The following XKR6 variants were observed in gnomAD, a reference collection of about 807,000 sequenced individuals.
XKR6 encodes XK-related protein 6.
In XKR6, 22 loss-of-function variants were observed where a neutral mutation model predicts 56.7. The observed-to-expected ratio is 0.39, with a 90% CI of 0.28 to 0.55. The LOEUF (loss-of-function observed/expected upper bound fraction) is 0.55, where lower values mean the gene tolerates loss of function less well. XKR6 is among the 20% of genes least tolerant of loss of function. The pLI is 0.66. For synonymous variants in XKR6, 524 were observed against 387.8 expected (o/e 1.35, Z -4.13); for missense variants, 852 against 889.0 (o/e 0.96, Z 0.53).
chr8:10,974,647 A>G (rs1802501327), intron 1 of XKR6, among the ~76,000 whole-genome samples: 1 of 152,218 alleles, frequency 6.6e-6, no homozygotes, highest in South Asian at 2.1e-4. Flanking sequence ...GGCCACCTGG[A>G]AAACTCTCTC....
At chr8:11,138,937 C>A (rs1040776796) in intron 1 of XKR6, among the ~76,000 whole-genome samples, 32 of 149,034 alleles carry the variant, frequency 2.1e-4, no homozygotes, top group African/African-American at 7.7e-4. Context: ...AAAAAAAAAA[C>A]CTGACCTCAA....
intron 1 of XKR6, chr8:11,113,906 G>C (rs1348233162): frequency 8.4e-6 from 2 of 237,826 alleles, no homozygotes; most frequent in African/African-American, 4.6e-5. Context: ...TTTTAATCTT[G>C]AAGAGGAAGG....
At chr8:11,062,886 G>A (rs759395080) in intron 1 of XKR6, 4 of 455,428 alleles carry the variant, frequency 8.8e-6, no homozygotes, top group South Asian at 6.2e-5. Flanking sequence ...GTCCCTTCCA[G>A]ACGTCGTACT....
intron 1 of XKR6, chr8:11,195,247 C>A (rs2117148005): frequency 1.4e-6 from 1 of 695,194 alleles, no homozygotes; most frequent in East Asian, 2.7e-5. Context: ...AAATAATCAC[C>A]CTAGTGTTTT....
intron 1 of XKR6, among the ~76,000 whole-genome samples, chr8:11,160,532 G>C (rs1403399700): frequency 6.6e-6 from 1 of 152,182 alleles, no homozygotes; most frequent in Non-Finnish European, 1.5e-5. Flanking sequence ...TACTGAAAAA[G>C]TAGACTTTGT....
chr8:10,975,200 A>G (rs1032883026), intron 1 of XKR6, among the ~76,000 whole-genome samples: 12 of 152,130 alleles, frequency 7.9e-5, no homozygotes, highest in Admixed American at 7.9e-4. Flanking sequence ...AGGAACTAGC[A>G]CCCTCCTGCA....
At chr8:11,127,147 C>G (rs573233303) in intron 1 of XKR6, among the ~76,000 whole-genome samples, 1 of 152,264 alleles carries the variant, frequency 6.6e-6, no homozygotes, top group Admixed American at 6.5e-5. Context: ...AACTCCCTTC[C>G]GGCAATCCCA....
intron 1 of XKR6, among the ~76,000 whole-genome samples, chr8:11,159,959 T>C (rs1431555242): frequency 6.6e-6 from 1 of 152,130 alleles, no homozygotes; most frequent in Non-Finnish European, 1.5e-5. Flanking sequence ...GGGTCCTTGA[T>C]GGAATCAAGC....
At chr8:10,927,530 C>A (rs565417932) in intron 1 of XKR6, among the ~76,000 whole-genome samples, 3 of 152,292 alleles carry the variant, frequency 2.0e-5, no homozygotes, top group Non-Finnish European at 4.4e-5. Context: ...TATATGGCAG[C>A]ACTAACCCTA....
intron 1 of XKR6, among the ~76,000 whole-genome samples, chr8:10,967,867 A>C (rs1402930156): frequency 6.6e-6 from 1 of 152,118 alleles, no homozygotes; most frequent in African/African-American, 2.4e-5. Context: ...CAGAGAGCTC[A>C]CCCTGAGGAT....
chr8:11,109,463 T>A (rs1209609240), intron 1 of XKR6: 1 of 152,118 alleles, frequency 6.6e-6, no homozygotes, highest in Non-Finnish European at 1.5e-5. Flanking sequence ...CTTCCAAAGA[T>A]CTCATGCCAC....
intron 1 of XKR6, among the ~76,000 whole-genome samples, chr8:11,188,102 C>G (rs529338093): frequency 6.6e-6 from 1 of 152,084 alleles, no homozygotes; most frequent in African/African-American, 2.4e-5. Context: ...ATGTGTGTAT[C>G]ACATTACAGT....
chr8:10,990,002 G>C (rs1378220548), intron 1 of XKR6, among the ~76,000 whole-genome samples: 2 of 152,214 alleles, frequency 1.3e-5, no homozygotes, highest in African/African-American at 2.4e-5. Flanking sequence ...GCCAAACTGG[G>C]AGTCGGGTTA....
At chr8:10,993,143 A>C (rs1321712117) in intron 1 of XKR6, among the ~76,000 whole-genome samples, 1 of 152,290 alleles carries the variant, frequency 6.6e-6, no homozygotes, top group Non-Finnish European at 1.5e-5. Context: ...TACTATTTTA[A>C]GGACAAGCTC....
intron 1 of XKR6, among the ~76,000 whole-genome samples, chr8:10,999,420 T>A (rs1048863900): frequency 1.3e-5 from 2 of 152,224 alleles, no homozygotes; most frequent in African/African-American, 4.8e-5. Context: ...AATGCTACAA[T>A]AAAATGAGGC....
intron 1 of XKR6, among the ~76,000 whole-genome samples, chr8:10,984,070 A>G (rs1797796920): frequency 6.6e-6 from 1 of 152,228 alleles, no homozygotes; most frequent in Non-Finnish European, 1.5e-5. Flanking sequence ...TAAATAAAAC[A>G]TTAGCAAACA....
At chr8:11,187,564 A>C (rs1803340937) in intron 1 of XKR6, among the ~76,000 whole-genome samples, 1 of 152,198 alleles carries the variant, frequency 6.6e-6, no homozygotes, top group Admixed American at 6.5e-5. Flanking sequence ...TAACGTTTTG[A>C]AGCTATTGAG....
chr8:11,010,112 G>C (rs1164281853), intron 1 of XKR6, among the ~76,000 whole-genome samples: 1 of 152,158 alleles, frequency 6.6e-6, no homozygotes, highest in Non-Finnish European at 1.5e-5. Flanking sequence ...AATCATGGTG[G>C]AAGGTGAAAG....
intron 1 of XKR6, among the ~76,000 whole-genome samples, chr8:11,045,046 T>A (rs1468610504): frequency 6.6e-6 from 1 of 151,696 alleles, no homozygotes; most frequent in Non-Finnish European, 1.5e-5. Flanking sequence ...ATTTGCCCTT[T>A]GTGTTACCAT....
Sources: gnomAD v4.1 joint callset for allele counts (sites outside exome capture counted in the v4.1 genomes callset) on GRCh38, gnomAD v4.1.1 for gene constraint, MANE v1.5 for transcripts, NCBI Gene and HGNC (gene_info 2026-07-23, HGNC 2026-07-21) for gene names.